CDKN2B-AS1: variants seen among roughly 807,000 people sequenced by gnomAD.
CDKN2B-AS1 encodes CDKN2B and CDKN2A antisense cis and trans regulatory RNA 1.
chr9:22,004,640 G>C, intron 1 of CDKN2B-AS1: 1 of 232,560 alleles, frequency 4.3e-6, no homozygotes, highest in East Asian at 6.1e-5. Flanking sequence ...AGCAACCCTG[G>C]AAATTAAATC....
chr9:21,999,894 CCAAATATG>C lies in CDKN2B-AS1; in HGVS notation n.29+4736_29+4743del, dbSNP rs1422678673. Reference sequence around the variant, plus strand: ...AATAGTATGATCCCATTCATGTTTTCCAAATATGCATGCTGGGGGAGAGATGTTTGCAA... The same window carrying C: ...AATAGTATGATCCCATTCATGTTTTCCATGCTGGGGGAGAGATGTTTGCAA... On this transcript the variant is annotated intron_variant and non_coding_transcript_variant, in intron 1 of 4. Transcript: ENST00000650946. This position sits in a 1 kb window ranked among gnomAD's most constrained non-coding sequence, Gnocchi z 4.7. Among the ~76,000 whole-genome samples, 1 of 152,064 alleles carries C rather than the reference CCAAATATG, an allele frequency of 6.6e-6. No individual in the cohort carries two copies. The highest frequency in any genetic ancestry group is 1.5e-5 in the Non-Finnish European group (1 of 68,014).
Position 22,028,506 on chromosome 9 carries a change from A to G in CDKN2B-AS1, n.30-18245A>G, listed in dbSNP as rs184443848. Among the ~76,000 whole-genome samples the G allele has an allele frequency of 2.0e-5, 3 of 152,186 alleles. No individual in the cohort carries two copies. In the South Asian group the frequency reaches 6.2e-4, roughly 31 times the overall value. On this transcript the variant is annotated intron_variant and non_coding_transcript_variant, in intron 1 of 4. Coordinates refer to ENST00000650946, the Ensembl canonical transcript of CDKN2B-AS1. ...CTTTAAAAAAAGAATCATAAACTTCAGTATCATCATGATGGCAGTTTTAGG... is the reference window on the plus strand; with the variant it reads ...CTTTAAAAAAAGAATCATAAACTTCGGTATCATCATGATGGCAGTTTTAGG...
intron 1 of CDKN2B-AS1, among the ~76,000 whole-genome samples, chr9:22,028,767 A>T (rs1178391034): frequency 6.6e-6 from 1 of 152,172 alleles, no homozygotes; most frequent in Non-Finnish European, 1.5e-5. Context: ...TGGTTTGTGA[A>T]ACATTTATGC....
intron 4 of CDKN2B-AS1, among the ~76,000 whole-genome samples, chr9:22,114,660 A>C (rs1436789154): frequency 6.6e-6 from 1 of 152,230 alleles, no homozygotes. Context: ...TGTGCTTAGT[A>C]ATTGGCTGGG....
At chr9:22,079,887 T>C (rs1824637493) in intron 4 of CDKN2B-AS1, among the ~76,000 whole-genome samples, 1 of 152,250 alleles carries the variant, frequency 6.6e-6, no homozygotes, top group Admixed American at 6.5e-5. Flanking sequence ...TGTCAAAGTG[T>C]CTTTCTAGTA....
rs1820693211 is a variant in CDKN2B-AS1 at position 21,996,498 on chromosome 9, C to G, written n.29+1337C>G. On this transcript the variant is annotated intron_variant and non_coding_transcript_variant, in intron 1 of 4. Transcript: ENST00000650946. The surrounding 1 kb of genome is among the most constrained non-coding windows in gnomAD (Gnocchi z 5.4). ...GTAGCCCTTCCTCAGAAATGCTTCC[C>G]TTTTCAGGCACCCTCATACCACCGT... Among the ~76,000 whole-genome samples the G allele has an allele frequency of 6.6e-6, 1 of 152,104 alleles. No homozygotes were observed. Among genetic ancestry groups the G allele is most frequent in the African/African-American group, 2.4e-5 (1 of 41,404 alleles).
intron 4 of CDKN2B-AS1, among the ~76,000 whole-genome samples, chr9:22,098,312 G>T (rs2131351766): frequency 6.6e-6 from 1 of 151,180 alleles, no homozygotes; most frequent in Admixed American, 6.6e-5. Context: ...AAAAAGAGGG[G>T]ACTATAATAT....
intron 1 of CDKN2B-AS1, chr9:22,009,330 C>A: frequency 2.5e-6 from 1 of 407,630 alleles, no homozygotes; most frequent in Non-Finnish European, 4.4e-6. Flanking sequence ...CAAAGAATTC[C>A]GTTTTCAGCT....
intron 1 of CDKN2B-AS1, among the ~76,000 whole-genome samples, chr9:22,043,415 C>T (rs1822981583): frequency 1.3e-5 from 2 of 151,810 alleles, no homozygotes; most frequent in Admixed American, 1.3e-4. Context: ...AATCTATTCA[C>T]ACACACACAG....
chr9:22,072,376 T>C (rs1824330602), intron 4 of CDKN2B-AS1, among the ~76,000 whole-genome samples: 2 of 152,220 alleles, frequency 1.3e-5, no homozygotes, highest in African/African-American at 4.8e-5. Context: ...AGTAGTTCCA[T>C]TGCTGGAAAA....
chr9:22,081,953 G>C (rs1262429902), intron 4 of CDKN2B-AS1, among the ~76,000 whole-genome samples: 1 of 152,136 alleles, frequency 6.6e-6, no homozygotes, highest in African/African-American at 2.4e-5. Flanking sequence ...CCCCCAGCCT[G>C]TGGCTGGGGT....
intron 1 of CDKN2B-AS1, among the ~76,000 whole-genome samples, chr9:22,024,921 C>A (rs1822170291): frequency 6.6e-6 from 1 of 152,186 alleles, no homozygotes. Flanking sequence ...CTAGAAGAGG[C>A]CAGCAGACCA....
chr9:22,123,362 C>T (rs1242557617), intron 4 of CDKN2B-AS1, among the ~76,000 whole-genome samples: 1 of 152,048 alleles, frequency 6.6e-6, no homozygotes, highest in Non-Finnish European at 1.5e-5. Context: ...TGCCTAGTTG[C>T]TTGGGCTAGG....
intron 1 of CDKN2B-AS1, among the ~76,000 whole-genome samples, chr9:22,036,696 G>A (rs946351859): frequency 6.6e-6 from 1 of 152,026 alleles, no homozygotes; most frequent in East Asian, 1.9e-4. Context: ...TTAACAGGTG[G>A]TGTTTTCTTG....
intron 1 of CDKN2B-AS1, among the ~76,000 whole-genome samples, chr9:22,036,483 A>G (rs1468791507): frequency 6.6e-6 from 1 of 152,158 alleles, no homozygotes; most frequent in African/African-American, 2.4e-5. Context: ...AAGTTAGTCT[A>G]CAGCCTAAAT....
chr9:22,096,324 T>G (rs1445059965), intron 4 of CDKN2B-AS1: 1 of 152,164 alleles, frequency 6.6e-6, no homozygotes, highest in Non-Finnish European at 1.5e-5. Flanking sequence ...ATGAATGAGA[T>G]TGGACACCAT....
chr9:22,119,971 C>G (rs575864893), intron 4 of CDKN2B-AS1: 1 of 152,266 alleles, frequency 6.6e-6, no homozygotes, highest in Admixed American at 6.5e-5. Context: ...TTCAGCTAGA[C>G]TTTCATATAA....
chr9:22,075,484 G>A (rs1338958191), intron 4 of CDKN2B-AS1, among the ~76,000 whole-genome samples: 3 of 152,204 alleles, frequency 2.0e-5, no homozygotes, highest in Non-Finnish European at 2.9e-5. Flanking sequence ...GGCTTCAAAG[G>A]ATGAACAGGA....
chr9:22,090,075 GTGTT>G (rs1226902392), intron 4 of CDKN2B-AS1, among the ~76,000 whole-genome samples: 1 of 147,922 alleles, frequency 6.8e-6, no homozygotes, highest in Non-Finnish European at 1.5e-5. Context: ...AGAACATGCA[GTGTT>G]TGGTTTTTTG....
Sources: gnomAD v4.1 joint callset for allele counts (sites outside exome capture counted in the v4.1 genomes callset) on GRCh38, gnomAD v4.1.1 for gene constraint, Gnocchi (gnomAD v3.1) non-coding constraint, MANE v1.5 for transcripts, NCBI Gene and HGNC (gene_info 2026-07-23, HGNC 2026-07-21) for gene names.